MEF2D: variants seen among roughly 807,000 people sequenced by gnomAD.
MEF2D encodes the protein myocyte enhancer factor 2D.
A neutral mutation model predicts 59.3 loss-of-function variants in MEF2D; 10 were observed. The ratio of observed to expected loss-of-function variants is 0.17; its 90% CI spans 0.10 to 0.29. The LOEUF is 0.29. MEF2D is among the 10% of genes least tolerant of loss of function. MEF2D has a pLI of 1.00. For synonymous variants in MEF2D, 305 were observed against 295.0 expected, an observed-to-expected ratio of 1.03 and a Z score of -0.35; for missense variants, 508 against 699.4, an observed-to-expected ratio of 0.73 and a Z score of 3.09.
rs1557875876 is a variant in MEF2D at position 156,469,040 on chromosome 1, G to A, written c.1007-20C>T. ...GGTAATCTGCATGGAGGAAAAGTGA[G>A]GATGAACCTGGAGTTGGGGAGAGCA... On this transcript the variant is annotated intron_variant, in intron 9 of 11. Transcript: ENST00000348159. The A allele has an allele frequency of 1.9e-6, 3 of 1,576,078 alleles. No individual in the cohort carries two copies. Among genetic ancestry groups the A allele is most frequent in the African/African-American group, 2.7e-5 (2 of 74,386 alleles).
At chr1:156,467,903 TG>T in intron 11 of MEF2D, 89 bp downstream of exon 11, 7 of 1,479,364 alleles carry the variant, frequency 4.7e-6, no homozygotes, top group Non-Finnish European at 6.4e-6. Flanking sequence ...CAAGGCCTCT[TG>T]GGTGGGAAAT....
chr1:156,476,390 C>T lies in MEF2D; in HGVS notation c.876+104G>A, dbSNP rs1238277283. ...TAAGCAAAGAAACAGCAACAGTTCA[C>T]GCACAGGCGAGAGGCCAAGGACGCA... On this transcript the variant is annotated intron_variant, in intron 8 of 11. Transcript: ENST00000348159. 1.3e-5 allele frequency: 18 copies of T among 1,336,698 alleles called. 1 individual carries two copies. Among genetic ancestry groups the T allele is most frequent in the South Asian group, 1.1e-4 (9 of 80,214 alleles). 82.8% of individuals were successfully genotyped at this position (1,336,698 alleles called of 1,614,324 possible).
At chr1:156,497,807 G>A (rs1053860419) in intron 1 of MEF2D, among the ~76,000 whole-genome samples, 1 of 152,074 alleles carries the variant, frequency 6.6e-6, no homozygotes, top group African/African-American at 2.4e-5. Context: ...CAACCAGGGA[G>A]AGCAGGGGGC....
intron 1 of MEF2D, among the ~76,000 whole-genome samples, chr1:156,492,930 A>C (rs910663998): frequency 1.3e-5 from 2 of 152,204 alleles, no homozygotes; most frequent in African/African-American, 2.4e-5. Context: ...TTCCCATGGA[A>C]ATAAGTGCAT....
intron 9 of MEF2D, among the ~76,000 whole-genome samples, chr1:156,474,152 T>A (rs1671417298): frequency 6.6e-6 from 1 of 152,116 alleles, no homozygotes; most frequent in Non-Finnish European, 1.5e-5. Context: ...CCTCCTCCAT[T>A]AAGTACTTTT....
In MEF2D at chr1:156,483,349, C is replaced by A; in HGVS notation, c.-57G>T. On this transcript the variant is annotated 5_prime_UTR_variant, in exon 2 of 12. Coordinates refer to ENST00000348159, the MANE Select transcript of MEF2D (RefSeq NM_005920.4). ...GAGGGGCTCGCTGGGTGGTGGGTCT[C>A]GGCACACCTTACACTGTGCTCATGA... 6.7e-7 allele frequency: 1 copy of A among 1,500,636 alleles called. No individual in the cohort carries two copies. The highest frequency in any genetic ancestry group is 9.3e-7 in the Non-Finnish European group (1 of 1,076,704). The allele number at this position is 1,500,636 out of a possible 1,614,324, so 93.0% of individuals were successfully genotyped here. A position where few individuals can be genotyped will look rare whatever the true frequency, so the allele number is the denominator to read the frequency against.
chr1:156,479,320 T>G lies in MEF2D; in HGVS notation c.634A>C (p.Ser212Arg). 3.1e-6 allele frequency: 5 copies of G among 1,612,322 alleles called. No individual in the cohort carries two copies. The highest frequency in any genetic ancestry group is 4.2e-6 in the Non-Finnish European group (5 of 1,179,456). Residue 212 changes from serine (S) to arginine (R), a missense_variant, in exon 6 of 12, where the codon AGT (serine) becomes CGT (arginine). By Grantham distance (110) the Ser-to-Arg change is moderately radical. This residue lies in a region of MEF2D where 481 missense variants were observed against 584.7 expected (regional missense o/e 0.82). Coordinates refer to ENST00000348159, the MANE Select transcript of MEF2D (RefSeq NM_005920.4). The part of the protein sequence containing the change: ...AGAMLGGDLN[S>R]ANGACPSPVG... ...GGGCTGGGGCAGGCTCCGTTAGCAC[T>G]GTTCAGGTCACCCCCCAGCATGGCC... is the stretch of plus-strand genomic sequence containing the variant.
chr1:156,478,450 C>T (rs1671759421), intron 6 of MEF2D, among the ~76,000 whole-genome samples: 1 of 152,156 alleles, frequency 6.6e-6, no homozygotes, highest in Non-Finnish European at 1.5e-5. Flanking sequence ...TTCGAAGTCA[C>T]AGTCACCCAG....
Position 156,479,760 on chromosome 1 carries a change from T to A in MEF2D, c.433A>T (p.Thr145Ser), listed in dbSNP as rs370845032. 7 of 1,551,516 alleles carry A rather than the reference T, an allele frequency of 4.5e-6. No homozygotes were observed. In the African/African-American group the frequency reaches 9.6e-5, roughly 21 times the overall value. Reference protein sequence around the residue: ...VPAPNFAMPVTVPVSNQSSLQ... With the variant: ...VPAPNFAMPVSVPVSNQSSLQ... The stretch of plus-strand genomic sequence containing the variant: ...GAGCTCTGATTGGACACGGGCACCG[T>A]GACAGGCATGGCAAAGTTGGGGGCC... The change falls in exon 5 of 12, where the codon ACG (threonine) becomes TCG (serine). Residue 145 changes from threonine (T) to serine (S), a missense_variant. Thr to Ser is a moderately conservative substitution (Grantham distance 58, BLOSUM62 1). Around this residue, in one of 2 missense-constraint regions of MEF2D, gnomAD observed 481 missense variants for 584.7 expected, o/e 0.82. Transcript: ENST00000348159.
intron 1 of MEF2D, among the ~76,000 whole-genome samples, chr1:156,496,420 G>A (rs542078385): frequency 4.7e-4 from 72 of 152,272 alleles, no homozygotes; most frequent in Non-Finnish European, 9.7e-4. Context: ...GAGGCAGGCT[G>A]TGCCAGGAAC....
chr1:156,482,361 T>G, intron 3 of MEF2D, 76 bp downstream of exon 3: 1 of 1,507,058 alleles, frequency 6.6e-7, no homozygotes, highest in South Asian at 1.1e-5. Context: ...CAGGTCTGCG[T>G]GTACATGCAA....
At chr1:156,476,831 T>C (rs568359649) in intron 7 of MEF2D, 181 bp downstream of exon 7, 63 of 726,574 alleles carry the variant, frequency 8.7e-5, no homozygotes, top group African/African-American at 6.6e-4. Flanking sequence ...CTTCTTGTGC[T>C]GCAACCTCTT....
chr1:156,467,874 C>T lies in MEF2D; in HGVS notation c.1554+119G>A, dbSNP rs114873316. 1,407 of 1,335,972 alleles carry T rather than the reference C, an allele frequency of 1.1e-3. 9 individuals are homozygous for T. The African/African-American group carries it at 0.019, about 18-fold the overall frequency. The allele number at this position is 1,335,972 out of a possible 1,614,324, so 82.8% of individuals were successfully genotyped here. A position where few individuals can be genotyped will look rare whatever the true frequency, so the allele number is the denominator to read the frequency against. On this transcript the variant is annotated intron_variant, in intron 11 of 11. Coordinates refer to ENST00000348159, the MANE Select transcript of MEF2D (RefSeq NM_005920.4). ...GTTGGTGCTGCCCTAGAAGGGCTGG[C>T]GGAAGGGGTAGCCGGCCACAAGGCC...
At chr1:156,476,431 G>A in intron 8 of MEF2D, 63 bp downstream of exon 8, 1 of 1,571,270 alleles carries the variant, frequency 6.4e-7, no homozygotes, top group Non-Finnish European at 8.7e-7. Context: ...ACTTCATGCT[G>A]GGGGACCGCA....
chr1:156,487,136 G>A (rs368321692), intron 1 of MEF2D, among the ~76,000 whole-genome samples: 4 of 152,284 alleles, frequency 2.6e-5, no homozygotes, highest in South Asian at 4.1e-4. Flanking sequence ...GGCAACTGTC[G>A]CCTGGCAACC....
Position 156,468,280 on chromosome 1 carries a change from G to A in MEF2D, c.1267C>T (p.His423Tyr). 3.2e-6 allele frequency: 5 copies of A among 1,560,300 alleles called. No homozygotes were observed. The highest frequency in any genetic ancestry group is 4.3e-6 in the Non-Finnish European group (5 of 1,151,688). ...GTGACTGTGAGGGCAGCACCCACGT[G>A]GGGCAGGGGGCTGCCCGGGCTGGAG... ...SNLIPGSPLP[H>Y]VGAALTVTTH... The change falls in exon 11 of 12, where the codon CAC becomes TAC. Residue 423 changes from histidine (H) to tyrosine (Y), a missense_variant. This residue lies in a region of MEF2D where 481 missense variants were observed against 584.7 expected (regional missense o/e 0.82). Coordinates refer to ENST00000348159, the MANE Select transcript of MEF2D (RefSeq NM_005920.4). The surrounding 1 kb of genome is among the most constrained non-coding windows in gnomAD (Gnocchi z 4.3).
In MEF2D at chr1:156,465,681, T is replaced by TAC. The variant is rs57351079; in HGVS notation, c.*1962_*1963dup. The TAC allele has an allele frequency of 0.045, 6,734 of 150,846 alleles. 372 individuals are homozygous for TAC. The highest frequency in any genetic ancestry group is 0.13 in the African/African-American group (5,277 of 41,032). The allele number at this position is 150,846 out of a possible 1,614,324, so 9.3% of individuals were successfully genotyped here. ...AAAAGTACACCCGTGCAATCAGACATACACACACACACACACATAAATACA... is the reference window on the plus strand; with the variant it reads ...AAAAGTACACCCGTGCAATCAGACATACACACACACACACACACATAAATACA... On this transcript the variant is annotated 3_prime_UTR_variant, in exon 12 of 12. Transcript: ENST00000348159.
At chr1:156,488,142 C>G (rs1002137325) in intron 1 of MEF2D, among the ~76,000 whole-genome samples, 1 of 152,226 alleles carries the variant, frequency 6.6e-6, no homozygotes, top group African/African-American at 2.4e-5. Flanking sequence ...GTGGACAGGA[C>G]AAGGGTGGGG....
Position 156,467,715 on chromosome 1 carries a change from C to T in MEF2D, c.1555-59G>A, listed in dbSNP as rs1670943028. ...GGGGGTGGCCCAGGCTTTGGGTATG[C>T]ACCCCCCACTCCCCTCTCCCCATAG... On this transcript the variant is annotated intron_variant, in intron 11 of 11. Transcript: ENST00000348159. 1.3e-5 allele frequency: 18 copies of T among 1,343,654 alleles called. No individual in the cohort carries two copies. The East Asian group carries it at 4.6e-4, about 34-fold the overall frequency. 83.2% of individuals were successfully genotyped at this position (1,343,654 alleles called of 1,614,324 possible). A position where few individuals can be genotyped will look rare whatever the true frequency, so the allele number is the denominator to read the frequency against.
Sources: gnomAD v4.1 joint callset for allele counts (sites outside exome capture counted in the v4.1 genomes callset) on GRCh38, gnomAD v4.1.1 for gene constraint, gnomAD v4.1.1 regional missense constraint, Gnocchi (gnomAD v3.1) non-coding constraint, MANE v1.5 for transcripts, NCBI Gene and HGNC (gene_info 2026-07-23, HGNC 2026-07-21) for gene names.